NTM: variants seen among roughly 807,000 people sequenced by gnomAD.
NTM encodes IgLON family member 2.
In NTM, 13 loss-of-function variants were observed where a neutral mutation model predicts 42.1. That is an observed-to-expected ratio of 0.31 (90% CI 0.20 to 0.49). NTM has a LOEUF of 0.49. Ranked by LOEUF, NTM falls within the 20% of genes least tolerant of loss-of-function variation. The pLI, the probability that NTM is intolerant of heterozygous loss-of-function variation, is 0.99. For missense variants in NTM, 373 were observed against 452.8 expected (o/e 0.82, Z 1.60); for synonymous variants, 187 against 179.2 (o/e 1.04, Z -0.35).
chr11:131,386,848 T>G (rs1047535789), intron 1 of NTM, among the ~76,000 whole-genome samples: 1 of 152,222 alleles, frequency 6.6e-6, no homozygotes, highest in African/African-American at 2.4e-5. Context: ...ACCCCAGTCT[T>G]CTTTCTTTAT....
chr11:131,593,527 C>T (rs2059566047), intron 1 of NTM, among the ~76,000 whole-genome samples: 1 of 152,212 alleles, frequency 6.6e-6, no homozygotes, highest in African/African-American at 2.4e-5. Flanking sequence ...CCCCGCCCCC[C>T]TGCCATAGCA....
intron 4 of NTM, among the ~76,000 whole-genome samples, chr11:132,231,151 T>A (rs142438310): frequency 9.5e-4 from 145 of 152,328 alleles, no homozygotes; most frequent in African/African-American, 3.3e-3. Flanking sequence ...GAACATACTG[T>A]TTATAGCACA....
chr11:132,150,998 G>T (rs1217266330), intron 3 of NTM, among the ~76,000 whole-genome samples: 1 of 152,156 alleles, frequency 6.6e-6, no homozygotes, highest in Non-Finnish European at 1.5e-5. Flanking sequence ...TTTTTGTCCA[G>T]AATAGGGGAG....
At chr11:132,014,948 A>G (rs1346403353) in intron 2 of NTM, among the ~76,000 whole-genome samples, 1 of 151,692 alleles carries the variant, frequency 6.6e-6, no homozygotes, top group African/African-American at 2.4e-5. Flanking sequence ...TTGAGATCTT[A>G]GCCATATAAT....
intron 3 of NTM, among the ~76,000 whole-genome samples, chr11:132,190,018 C>T (rs560958540): frequency 6.6e-6 from 1 of 152,306 alleles, no homozygotes; most frequent in East Asian, 1.9e-4. Flanking sequence ...TATACTCGAT[C>T]AGAGTGGTTT....
At chr11:132,196,252 A>G (rs1004205936) in intron 3 of NTM, among the ~76,000 whole-genome samples, 13 of 152,196 alleles carry the variant, frequency 8.5e-5, no homozygotes, top group African/African-American at 3.1e-4. Flanking sequence ...ATGAGATACC[A>G]TCTCACACCA....
At chr11:132,329,512 A>G (rs1470670014) in intron 7 of NTM, among the ~76,000 whole-genome samples, 1 of 152,212 alleles carries the variant, frequency 6.6e-6, no homozygotes, top group Admixed American at 6.5e-5. Context: ...AGGCTGCCCC[A>G]GAGAGATGAA....
chr11:132,132,392 T>G (rs558947156), intron 2 of NTM, among the ~76,000 whole-genome samples: 1 of 152,382 alleles, frequency 6.6e-6, no homozygotes, highest in Admixed American at 6.5e-5. Context: ...TTTAAGTAGC[T>G]GTTATCTTCT....
intron 4 of NTM, among the ~76,000 whole-genome samples, chr11:132,300,604 G>A (rs1265031506): frequency 6.6e-6 from 1 of 152,164 alleles, no homozygotes; most frequent in African/African-American, 2.4e-5. Flanking sequence ...GTCACATTGT[G>A]GAAACACTTT....
chr11:131,791,440 C>A (rs939910633), intron 1 of NTM, among the ~76,000 whole-genome samples: 1 of 152,152 alleles, frequency 6.6e-6, no homozygotes, highest in African/African-American at 2.4e-5. Flanking sequence ...TCAATATATG[C>A]ATACAGAGAA....
chr11:132,124,214 G>A (rs905916901), intron 2 of NTM, among the ~76,000 whole-genome samples: 4 of 152,154 alleles, frequency 2.6e-5, no homozygotes, highest in African/African-American at 7.2e-5. Context: ...CCGGATCTTC[G>A]ATCGGGCCAT....
intron 1 of NTM, chr11:131,534,093 C>T (rs2051740115): frequency 6.6e-6 from 1 of 152,212 alleles, no homozygotes. Flanking sequence ...AGCATTCAGT[C>T]CCTCATATCC....
At chr11:131,998,194 C>A (rs975014287) in intron 2 of NTM, among the ~76,000 whole-genome samples, 5 of 152,174 alleles carry the variant, frequency 3.3e-5, no homozygotes, top group African/African-American at 4.8e-5. Context: ...AATTGCACTG[C>A]AGAAACCCTT....
At chr11:132,168,532 C>T (rs1195443472) in intron 3 of NTM, among the ~76,000 whole-genome samples, 2 of 152,200 alleles carry the variant, frequency 1.3e-5, no homozygotes. Flanking sequence ...GCCTCCAATC[C>T]ATCCTGCCAA....
intron 3 of NTM, among the ~76,000 whole-genome samples, chr11:132,185,581 G>T (rs922151425): frequency 1.3e-5 from 2 of 152,108 alleles, no homozygotes; most frequent in African/African-American, 4.8e-5. Context: ...ATGGGTCGTG[G>T]TAATCCACTC....
At position 131,454,513 on chromosome 11, in the gene NTM, T is replaced by C. The variant is rs1591713136; in HGVS notation, c.82+83625T>C. Reference sequence around the variant, plus strand: ...CACTTTAAGTGGAGAGCAGAGTCCCTACACACTGCTGCTTCCTGCGCTTTA... The same window carrying C: ...CACTTTAAGTGGAGAGCAGAGTCCCCACACACTGCTGCTTCCTGCGCTTTA... On this transcript the variant is annotated intron_variant, in intron 1 of 8. Coordinates refer to ENST00000683400, the MANE Select transcript of NTM (RefSeq NM_001352005.2). Among the ~76,000 whole-genome samples the C allele has an allele frequency of 4.6e-5, 7 of 152,330 alleles. No individual in the cohort carries two copies. The South Asian group carries it at 1.5e-3, about 32-fold the overall frequency.
At chr11:131,674,581 T>A (rs1164076408) in intron 1 of NTM, among the ~76,000 whole-genome samples, 1 of 152,232 alleles carries the variant, frequency 6.6e-6, no homozygotes, top group African/African-American at 2.4e-5. Context: ...GATTGCTTCA[T>A]TTCATTTGAA....
intron 2 of NTM, among the ~76,000 whole-genome samples, chr11:131,969,564 C>T (rs2063267409): frequency 6.6e-6 from 1 of 152,154 alleles, no homozygotes; most frequent in South Asian, 2.1e-4. Flanking sequence ...ATGCCTTTCA[C>T]TATGGATTAG....
In NTM at chr11:132,074,948, A is replaced by G. The variant is rs112638191; in HGVS notation, c.168-71334A>G. Among the ~76,000 whole-genome samples the G allele has an allele frequency of 5.9e-5, 9 of 152,330 alleles. 1 individual carries two copies. Among genetic ancestry groups the G allele is most frequent in the African/African-American group, 2.2e-4 (9 of 41,582 alleles). The stretch of plus-strand genomic sequence containing the variant: ...CATAAGTTGTATGTATTGAAAAATC[A>G]CTATGTTCCCTATAAACATGTACAA... On this transcript the variant is annotated intron_variant, in intron 2 of 8. Coordinates refer to ENST00000683400, the MANE Select transcript of NTM (RefSeq NM_001352005.2).
Sources: allele counts gnomAD v4.1 joint callset (sites outside exome capture counted in the v4.1 genomes callset), GRCh38; gene constraint gnomAD v4.1.1; transcripts MANE v1.5; gene names NCBI Gene and HGNC (gene_info 2026-07-23, HGNC 2026-07-21).